The following SRGAP1 variants were observed in gnomAD, a reference collection of about 807,000 sequenced individuals.
SRGAP1 encodes the protein SLIT-ROBO Rho GTPase-activating protein 1.
Under a neutral mutation model 121.9 loss-of-function variants are expected in SRGAP1, and 43 were observed. That is an observed-to-expected ratio of 0.35 (90% confidence interval 0.28 to 0.46). SRGAP1 has a LOEUF of 0.46. Ranked by LOEUF, SRGAP1 falls within the 20% of genes least tolerant of loss-of-function variation. SRGAP1 has a pLI of 1.00. For missense variants in SRGAP1, 1,102 were observed against 1,350.9 expected, an observed-to-expected ratio of 0.82 and a Z score of 2.89; for synonymous variants, 447 against 485.4, an observed-to-expected ratio of 0.92 and a Z score of 1.04.
chr12:63,998,628 T>G (rs2033785038), intron 3 of SRGAP1, among the ~76,000 whole-genome samples: 2 of 152,278 alleles, frequency 1.3e-5, no homozygotes, highest in Non-Finnish European at 2.9e-5. Context: ...TCAGGATTAT[T>G]TATATTCTTT....
intron 6 of SRGAP1, 146 bp from the exon 7 acceptor site, chr12:64,062,771 T>C (rs2136536457): frequency 3.3e-6 from 2 of 597,948 alleles, no homozygotes; most frequent in East Asian, 2.8e-5. Flanking sequence ...TTTGATGTCA[T>C]ATCCAAGAAA....
At chr12:64,039,477 AG>A in intron 4 of SRGAP1, among the ~76,000 whole-genome samples, 1 of 152,234 alleles carries the variant, frequency 6.6e-6, no homozygotes, top group South Asian at 2.1e-4. Flanking sequence ...AAGAGTCAGA[AG>A]TTCAGATTTT....
At position 64,149,066 on chromosome 12, in the gene SRGAP1, C is replaced by T. The variant is rs1392924463; in HGVS notation, c.*6394C>T. ...CCATTTTTACTGCTATATAGAATTC[C>T]ATTACATGAATATGCTCAATATTAT... On this transcript the variant is annotated 3_prime_UTR_variant, in exon 22 of 22. Coordinates refer to ENST00000355086, the MANE Select transcript of SRGAP1 (RefSeq NM_020762.4). The T allele has an allele frequency of 6.6e-6, 1 of 152,156 alleles. No individual in the cohort carries two copies. Among genetic ancestry groups the T allele is most frequent in the Non-Finnish European group, 1.5e-5 (1 of 68,032 alleles). The allele number at this position is 152,156 out of a possible 1,614,324, so 9.4% of individuals were successfully genotyped here.
intron 3 of SRGAP1, among the ~76,000 whole-genome samples, chr12:63,993,823 A>G (rs2033622075): frequency 6.6e-6 from 1 of 152,104 alleles, no homozygotes; most frequent in Non-Finnish European, 1.5e-5. Context: ...CCAGTTATAG[A>G]CATAGTTGCC....
At chr12:63,900,144 A>T (rs1056674991) in intron 1 of SRGAP1, among the ~76,000 whole-genome samples, 3 of 151,484 alleles carry the variant, frequency 2.0e-5, no homozygotes, top group African/African-American at 7.3e-5. Flanking sequence ...TGCAGTTATG[A>T]ACTAAGCAAT....
At position 63,844,713 on chromosome 12, in the gene SRGAP1, G is replaced by A. The variant is rs1299139361; in HGVS notation, c.-104G>A. The A allele has an allele frequency of 1.8e-6, 2 of 1,124,762 alleles. No individual in the cohort carries two copies. Among genetic ancestry groups the A allele is most frequent in the Admixed American group, 1.7e-5 (1 of 59,324 alleles). 69.7% of individuals were successfully genotyped at this position (1,124,762 alleles called of 1,614,324 possible). Reference sequence around the variant, plus strand: ...CTTCCCTCGGGTCGGCGCTGCCTCTGGATTGCCTGCGTGTGGGAGTACAAC... The same window carrying A: ...CTTCCCTCGGGTCGGCGCTGCCTCTAGATTGCCTGCGTGTGGGAGTACAAC... On this transcript the variant is annotated 5_prime_UTR_variant, in exon 1 of 22. Transcript: ENST00000355086. This position sits in a 1 kb window ranked among gnomAD's most constrained non-coding sequence, Gnocchi z 4.3.
chr12:63,990,360 T>A (rs768735829), intron 3 of SRGAP1, among the ~76,000 whole-genome samples: 11 of 152,156 alleles, frequency 7.2e-5, no homozygotes, highest in Middle Eastern at 3.4e-3. Flanking sequence ...AGTGAAACCC[T>A]GTCTCTACTA....
In SRGAP1 at chr12:64,063,016, A is replaced by G; in HGVS notation, c.901A>G (p.Ile301Val). ...LETSRHEGLD[I>V]IENAVDNLEP... Reference sequence around the variant, plus strand: ...AACCTCCAGACATGAGGGCTTAGACATTATTGAGAATGCAGTTGATAATTT... The same window carrying G: ...AACCTCCAGACATGAGGGCTTAGACGTTATTGAGAATGCAGTTGATAATTT... The change falls in exon 7 of 22, where the codon ATT becomes GTT. Residue 301 changes from isoleucine (I) to valine (V), a missense_variant. By Grantham distance (29) the Ile-to-Val change is conservative. This residue lies in a region of SRGAP1 where 747 missense variants were observed against 929.4 expected (regional missense o/e 0.80). Coordinates refer to ENST00000355086, the MANE Select transcript of SRGAP1 (RefSeq NM_020762.4). 2 of 1,614,100 alleles carry G rather than the reference A, an allele frequency of 1.2e-6. No individual in the cohort carries two copies. The highest frequency in any genetic ancestry group is 1.7e-5 in the Admixed American group (1 of 60,008).
chr12:64,099,827 TAA>T (rs2136598496), intron 15 of SRGAP1, among the ~76,000 whole-genome samples: 1 of 152,338 alleles, frequency 6.6e-6, no homozygotes, highest in African/African-American at 2.4e-5. Context: ...ACCAATTGGA[TAA>T]AGAGTGTTGG....
At chr12:64,068,373 C>T (rs2035579322) in intron 8 of SRGAP1, among the ~76,000 whole-genome samples, 1 of 151,894 alleles carries the variant, frequency 6.6e-6, no homozygotes, top group South Asian at 2.1e-4. Flanking sequence ...TCTCACTCTG[C>T]CACCCAGGCT....
intron 6 of SRGAP1, among the ~76,000 whole-genome samples, chr12:64,049,664 T>C (rs919619979): frequency 1.3e-5 from 2 of 152,192 alleles, no homozygotes; most frequent in African/African-American, 4.8e-5. Context: ...GGCACTTTTG[T>C]TGAAAACGAG....
chr12:64,146,632 G>A lies in SRGAP1; in HGVS notation c.*3960G>A, dbSNP rs1429894282. 6.6e-6 allele frequency: 1 copy of A among 152,142 alleles called. No individual in the cohort carries two copies. The highest frequency in any genetic ancestry group is 1.9e-4 in the East Asian group (1 of 5,170). The allele number at this position is 152,142 out of a possible 1,614,324, so 9.4% of individuals were successfully genotyped here. A position where few individuals can be genotyped will look rare whatever the true frequency, so the allele number is the denominator to read the frequency against. ...AGAGGCCATTTTTTGTGCAGGAAAT[G>A]TGCTTAGGACTCAGTCTTGTTTTCG... On this transcript the variant is annotated 3_prime_UTR_variant, in exon 22 of 22. Coordinates refer to ENST00000355086, the MANE Select transcript of SRGAP1 (RefSeq NM_020762.4).
At chr12:64,028,958 T>C (rs1328657498) in intron 4 of SRGAP1, among the ~76,000 whole-genome samples, 1 of 152,244 alleles carries the variant, frequency 6.6e-6, no homozygotes, top group Non-Finnish European at 1.5e-5. Context: ...TTTACTCATT[T>C]ATTCATTTTT....
intron 1 of SRGAP1, among the ~76,000 whole-genome samples, chr12:63,973,228 G>T (rs2033006876): frequency 6.6e-6 from 1 of 152,180 alleles, no homozygotes; most frequent in African/African-American, 2.4e-5. Context: ...AACTCTCATT[G>T]GATTAATAGT....
At chr12:63,979,530 T>G (rs536164736) in intron 1 of SRGAP1, among the ~76,000 whole-genome samples, 2 of 152,250 alleles carry the variant, frequency 1.3e-5, no homozygotes, top group African/African-American at 4.8e-5. Context: ...CATTATGTTT[T>G]CCACACTCTT....
intron 4 of SRGAP1, among the ~76,000 whole-genome samples, chr12:64,027,757 T>G (rs951842257): frequency 4.6e-5 from 7 of 152,170 alleles, no homozygotes; most frequent in Non-Finnish European, 8.8e-5. Context: ...CTCTTATTTC[T>G]CTTTTTTTCT....
chr12:64,116,009 C>G, intron 18 of SRGAP1, 116 bp downstream of exon 18: 1 of 900,262 alleles, frequency 1.1e-6, no homozygotes, highest in Non-Finnish European at 1.7e-6. Flanking sequence ...AATCCCAGCA[C>G]GTTGGGAAGC....
chr12:64,012,697 T>C (rs2034287356), intron 3 of SRGAP1, among the ~76,000 whole-genome samples: 1 of 151,230 alleles, frequency 6.6e-6, no homozygotes, highest in Non-Finnish European at 1.5e-5. Context: ...ACCACAGGTG[T>C]GCACCACCAT....
At position 63,944,677 on chromosome 12, in the gene SRGAP1, C is replaced by T. The variant is rs750643841; in HGVS notation, c.68-39270C>T. On this transcript the variant is annotated intron_variant, in intron 1 of 21. Coordinates refer to ENST00000355086, the MANE Select transcript of SRGAP1 (RefSeq NM_020762.4). ...TATGTAAACAGGTTTGCTCCACTCA[C>T]AAACATGCCACTGGACATACAGCTG... Among the ~76,000 whole-genome samples, 4 of 152,176 alleles carry T rather than the reference C, an allele frequency of 2.6e-5. No homozygotes were observed. The South Asian group carries it at 8.3e-4, about 31-fold the overall frequency.
Sources: gnomAD v4.1 joint callset for allele counts (sites outside exome capture counted in the v4.1 genomes callset) on GRCh38, gnomAD v4.1.1 for gene constraint, gnomAD v4.1.1 regional missense constraint, Gnocchi (gnomAD v3.1) non-coding constraint, MANE v1.5 for transcripts, NCBI Gene and HGNC (gene_info 2026-07-23, HGNC 2026-07-21) for gene names.